Variants in IGF1 observed in about 807,000 individuals in gnomAD.
The protein encoded by IGF1 is insulin-like growth factor 1.
In IGF1, 4 loss-of-function variants were observed where a neutral mutation model predicts 13.8. The observed-to-expected ratio is 0.29, with a 90% CI of 0.14 to 0.66. The LOEUF is 0.66. Ranked by LOEUF, IGF1 falls within the 30% of genes least tolerant of loss-of-function variation. The probability of loss-of-function intolerance (pLI) is 0.78; values close to 1 mark genes in which losing one functional copy is unlikely to be tolerated. For missense variants in IGF1, 124 were observed against 188.5 expected (o/e 0.66, Z 2.00); for synonymous variants, 76 against 72.6 (o/e 1.05, Z -0.23).
At chr12:102,448,689 T>TAACAA (rs1466638690) in intron 2 of IGF1, among the ~76,000 whole-genome samples, 23 of 110,302 alleles carry the variant, frequency 2.1e-4, no homozygotes, top group Non-Finnish European at 3.3e-4. Context: ...TAGAGTATAA[T>TAACAA]AAAAAAAAAA....
intron 2 of IGF1, among the ~76,000 whole-genome samples, chr12:102,430,781 C>T (rs985047423): frequency 1.3e-5 from 2 of 152,196 alleles, no homozygotes; most frequent in Non-Finnish European, 2.9e-5. Flanking sequence ...GAAGTCCTAG[C>T]CTCCTCATGT....
chr12:102,409,077 A>G (rs1347783086), intron 3 of IGF1, among the ~76,000 whole-genome samples: 1 of 152,304 alleles, frequency 6.6e-6, no homozygotes, highest in Admixed American at 6.5e-5. Context: ...GCTGTCCTCA[A>G]TTTCCTCTTC....
In IGF1 at chr12:102,419,538, G is replaced by A. The variant is rs1404671399; in HGVS notation, c.373C>T (p.Arg125Cys). 3.1e-6 allele frequency: 5 copies of A among 1,613,458 alleles called. No individual in the cohort carries two copies. Among genetic ancestry groups the A allele is most frequent in the Non-Finnish European group, 4.2e-6 (5 of 1,179,958 alleles). ...TGGGTCTTGGGCATGTCGGTGTGGCGCTGGGCACGGACAGAGCGAGCTGAC... is the reference window on the plus strand; with the variant it reads ...TGGGTCTTGGGCATGTCGGTGTGGCACTGGGCACGGACAGAGCGAGCTGAC... ...AKSARSVRAQ[R>C]HTDMPKTQKE... is the part of the protein sequence containing the mutation. The change falls in exon 3 of 4, where the codon CGC becomes TGC. Residue 125 changes from arginine (R) to cysteine (C), a missense_variant. Coordinates refer to ENST00000337514, the MANE Select transcript of IGF1 (RefSeq NM_000618.5).
intron 1 of IGF1, among the ~76,000 whole-genome samples, chr12:102,476,619 C>A (rs539403374): frequency 1.3e-5 from 2 of 152,296 alleles, no homozygotes; most frequent in Admixed American, 6.5e-5. Flanking sequence ...TGTTGAGAAT[C>A]CCTTCTGTGT....
intron 2 of IGF1, among the ~76,000 whole-genome samples, chr12:102,430,346 ACCT>A (rs1337402784): frequency 2.0e-5 from 3 of 151,916 alleles, no homozygotes; most frequent in Admixed American, 1.3e-4. Context: ...AAATCCACTG[ACCT>A]CCTGCTGGGT....
intron 2 of IGF1, 136 bp from the exon 3 acceptor site, chr12:102,419,826 C>G (rs1200750576): frequency 7.4e-6 from 6 of 805,666 alleles, no homozygotes; most frequent in Non-Finnish European, 1.0e-5. Flanking sequence ...TGAAACTTCC[C>G]CAATGATTCC....
chr12:102,413,004 C>T (rs1190943905), intron 3 of IGF1, among the ~76,000 whole-genome samples: 4 of 152,204 alleles, frequency 2.6e-5, no homozygotes, highest in Non-Finnish European at 5.9e-5. Flanking sequence ...CTGATTTTCA[C>T]CTTGCAGGTC....
intron 2 of IGF1, among the ~76,000 whole-genome samples, chr12:102,468,122 G>A (rs569907333): frequency 4.6e-5 from 7 of 152,102 alleles, no homozygotes; most frequent in Non-Finnish European, 8.8e-5. Flanking sequence ...CAGGTTCTTG[G>A]GTATTTCCTC....
chr12:102,446,818 G>T (rs1433203577), intron 2 of IGF1, among the ~76,000 whole-genome samples: 1 of 152,192 alleles, frequency 6.6e-6, no homozygotes, highest in African/African-American at 2.4e-5. Context: ...TGATGTTCAG[G>T]TGTCGATTTT....
At chr12:102,417,760 C>T in intron 3 of IGF1, 1 of 1,604,212 alleles carries the variant, frequency 6.2e-7, no homozygotes, top group Non-Finnish European at 8.5e-7. Flanking sequence ...GCTTTTCATT[C>T]TTGCTGTCTG....
intron 1 of IGF1, among the ~76,000 whole-genome samples, chr12:102,477,226 A>C (rs1388972669): frequency 1.3e-5 from 2 of 151,564 alleles, no homozygotes; most frequent in Non-Finnish European, 2.9e-5. Flanking sequence ...CATCATTCTA[A>C]TGATGATTTC....
At chr12:102,476,137 C>T (rs1592838390) in intron 1 of IGF1, among the ~76,000 whole-genome samples, 1 of 152,066 alleles carries the variant, frequency 6.6e-6, no homozygotes, top group East Asian at 1.9e-4. Context: ...CAGTGGGATC[C>T]CATATCACTC....
chr12:102,461,410 A>G (rs1879885245), intron 2 of IGF1, among the ~76,000 whole-genome samples: 1 of 152,056 alleles, frequency 6.6e-6, no homozygotes, highest in South Asian at 2.1e-4. Context: ...CTTACCTTAA[A>G]ACCATTTCTC....
chr12:102,448,298 A>G (rs1878539938), intron 2 of IGF1, among the ~76,000 whole-genome samples: 1 of 149,846 alleles, frequency 6.7e-6, no homozygotes, highest in Admixed American at 6.7e-5. Flanking sequence ...CCAAATGTCC[A>G]ACAATGATAG....
At chr12:102,416,620 T>C (rs4764696) in intron 3 of IGF1, among the ~76,000 whole-genome samples, 118,404 of 152,062 alleles carry the variant, frequency 0.78, 46,191 homozygotes, top group Admixed American at 0.84. Context: ...TTTCTGAGGC[T>C]TCTTCCAGAT....
intron 2 of IGF1, among the ~76,000 whole-genome samples, chr12:102,422,514 A>G (rs902643484): frequency 6.6e-6 from 1 of 152,228 alleles, no homozygotes; most frequent in Admixed American, 6.5e-5. Flanking sequence ...TTTCTCGCCA[A>G]TTGAAAGATC....
chr12:102,395,991 A>G lies in IGF1; in HGVS notation c.*6516T>C, dbSNP rs1330974891. On this transcript the variant is annotated 3_prime_UTR_variant, in exon 4 of 4. Transcript: ENST00000337514. ...ATTAAACAGTAAATGTAAGATAATG[A>G]TTCAATTAGTTACATTTTTAGAAGT... 6.6e-6 allele frequency: 1 copy of G among 152,238 alleles called. No individual in the cohort carries two copies. The highest frequency in any genetic ancestry group is 1.5e-5 in the Non-Finnish European group (1 of 68,036). The allele number at this position is 152,238 out of a possible 1,614,324, so 9.4% of individuals were successfully genotyped here. A position where few individuals can be genotyped will look rare whatever the true frequency, so the allele number is the denominator to read the frequency against.
chr12:102,413,062 C>T (rs969541206), intron 3 of IGF1, among the ~76,000 whole-genome samples: 3 of 152,188 alleles, frequency 2.0e-5, no homozygotes, highest in Non-Finnish European at 4.4e-5. Flanking sequence ...CAGCTACTCC[C>T]TCTTTAAAAA....
chr12:102,475,896 C>T, intron 1 of IGF1, 97 bp from the exon 2 acceptor site: 1 of 1,279,330 alleles, frequency 7.8e-7, no homozygotes, highest in Non-Finnish European at 1.1e-6. Context: ...GATTCCACGA[C>T]TGTCATTAAT....
Sources: allele counts gnomAD v4.1 joint callset (sites outside exome capture counted in the v4.1 genomes callset), GRCh38; gene constraint gnomAD v4.1.1; transcripts MANE v1.5; gene names NCBI Gene and HGNC (gene_info 2026-07-23, HGNC 2026-07-21).